MACROD2: variants seen among roughly 807,000 people sequenced by gnomAD.
MACROD2 encodes the protein mono-ADP ribosylhydrolase 2, also known as ADP-ribose glycohydrolase MACROD2.
Under a neutral mutation model 70.4 loss-of-function variants are expected in MACROD2, and 36 were observed. That is an observed-to-expected ratio of 0.51 (90% CI 0.39 to 0.68). MACROD2 has a LOEUF of 0.68. MACROD2 is among the 30% of genes least tolerant of loss of function. The pLI is 0.00. For synonymous variants in MACROD2, 172 were observed against 178.8 expected (o/e 0.96, Z 0.30); for missense variants, 496 against 538.4 (o/e 0.92, Z 0.78).
rs573192408 is a variant in MACROD2, at chr20:14,042,918, G to GTT, written c.163+40528_163+40529dup. 6.1e-4 allele frequency among the ~76,000 whole-genome samples: 86 copies of GTT among 141,240 alleles called. 1 individual carries two copies. Among genetic ancestry groups the GTT allele is most frequent in the Admixed American group, 1.5e-3 (21 of 14,200 alleles). 92.7% of individuals were successfully genotyped at this position (141,240 alleles called of 152,430 possible). ...TACCAGTTGCAAACCCAGGTGGTGG[G>GTT]TTTTTTTTTTTTTTTATTGAGACAT... On this transcript the variant is annotated intron_variant, in intron 2 of 17. Transcript: ENST00000684519.
At chr20:15,758,991 T>C (rs570846329) in intron 8 of MACROD2, among the ~76,000 whole-genome samples, 2 of 151,868 alleles carry the variant, frequency 1.3e-5, no homozygotes, top group South Asian at 4.2e-4. Flanking sequence ...CTACTAAAAA[T>C]ACAAAAATTA....
At chr20:14,626,717 G>A (rs1984190378) in intron 4 of MACROD2, among the ~76,000 whole-genome samples, 1 of 152,114 alleles carries the variant, frequency 6.6e-6, no homozygotes, top group South Asian at 2.1e-4. Context: ...CGTATCCTCA[G>A]GAGGAAGTAT....
chr20:14,548,437 G>GTTTTTTTTTTTTAGATTAGAAT (rs1181230121), intron 4 of MACROD2, among the ~76,000 whole-genome samples: 17 of 14,642 alleles, frequency 1.2e-3, no homozygotes, highest in African/African-American at 1.5e-3. Context: ...TACATTATCT[G>GTTTTTTTTTTTTAGATTAGAAT]GCCGGGCGCG....
chr20:15,780,418 G>T (rs2051811383), intron 8 of MACROD2, among the ~76,000 whole-genome samples: 2 of 152,066 alleles, frequency 1.3e-5, no homozygotes, highest in South Asian at 4.1e-4. Flanking sequence ...AGAAGACTAG[G>T]CTGTGCAGAA....
intron 2 of MACROD2, among the ~76,000 whole-genome samples, chr20:14,006,969 C>G (rs1176177410): frequency 6.6e-6 from 1 of 152,088 alleles, no homozygotes; most frequent in East Asian, 1.9e-4. Context: ...CATAATGCGT[C>G]ATTGTCTCCC....
intron 12 of MACROD2, among the ~76,000 whole-genome samples, chr20:15,957,773 A>G (rs1011966665): frequency 2.5e-4 from 38 of 152,156 alleles, no homozygotes; most frequent in Non-Finnish European, 5.0e-4. Context: ...ATATCTCCCA[A>G]CACGGTGGCC....
intron 3 of MACROD2, among the ~76,000 whole-genome samples, chr20:14,360,267 A>G (rs537956191): frequency 6.6e-6 from 1 of 152,364 alleles, no homozygotes; most frequent in South Asian, 2.1e-4. Context: ...AATAGATTTT[A>G]ATTATTCTAC....
intron 5 of MACROD2, among the ~76,000 whole-genome samples, chr20:15,019,556 G>C (rs1294601204): frequency 2.6e-5 from 4 of 152,136 alleles, no homozygotes; most frequent in Non-Finnish European, 5.9e-5. Context: ...CTAGACTCTT[G>C]ACTAACAGAC....
In MACROD2 at chr20:15,636,088, A is replaced by G. The variant is rs916385617; in HGVS notation, c.645+136241A>G. 6.3e-5 allele frequency among the ~76,000 whole-genome samples: 9 copies of G among 141,938 alleles called. 1 individual carries two copies. The highest frequency in any genetic ancestry group is 1.9e-4 in the African/African-American group (7 of 37,768). 93.1% of individuals were successfully genotyped at this position (141,938 alleles called of 152,430 possible). On this transcript the variant is annotated intron_variant, in intron 8 of 17. Coordinates refer to ENST00000684519, the MANE Select transcript of MACROD2 (RefSeq NM_001351661.2). ...CTCCCTCTCAAAAGAAAAAAAAAAA[A>G]AAAAGAAAGAAAAGAAAAGAAAAAA...
intron 3 of MACROD2, among the ~76,000 whole-genome samples, chr20:14,439,926 A>G (rs970889151): frequency 2.0e-5 from 3 of 152,184 alleles, no homozygotes; most frequent in African/African-American, 7.2e-5. Flanking sequence ...AAGAAAGCCC[A>G]TGAAAATGAG....
At chr20:15,231,225 C>G (rs1418276248) in intron 6 of MACROD2, among the ~76,000 whole-genome samples, 1 of 151,976 alleles carries the variant, frequency 6.6e-6, no homozygotes, top group Non-Finnish European at 1.5e-5. Flanking sequence ...TTTTATTTCT[C>G]TCTTTGATTT....
chr20:15,680,871 T>C (rs903958485), intron 8 of MACROD2, among the ~76,000 whole-genome samples: 1 of 152,166 alleles, frequency 6.6e-6, no homozygotes, highest in Non-Finnish European at 1.5e-5. Context: ...CAATGATACT[T>C]ATATTAAAGA....
rs1278575024 is a variant in MACROD2, at chr20:15,027,076, T to C, written c.419-202864T>C. 3.3e-5 allele frequency among the ~76,000 whole-genome samples: 5 copies of C among 152,216 alleles called. No homozygotes were observed. The East Asian group carries it at 9.7e-4, about 29-fold the overall frequency. On this transcript the variant is annotated intron_variant, in intron 5 of 17. Coordinates refer to ENST00000684519, the MANE Select transcript of MACROD2 (RefSeq NM_001351661.2). Reference sequence around the variant, plus strand: ...AACCCTAATGATTTGGTTTACACAGTGATTTATGTTGTGTCACAGATTCAG... The same window carrying C: ...AACCCTAATGATTTGGTTTACACAGCGATTTATGTTGTGTCACAGATTCAG...
At chr20:15,059,405 GAAAA>G (rs1349579539) in intron 5 of MACROD2, among the ~76,000 whole-genome samples, 1 of 150,596 alleles carries the variant, frequency 6.6e-6, no homozygotes, top group African/African-American at 2.4e-5. Flanking sequence ...AATAGAAAAA[GAAAA>G]AAAAAGAAAA....
intron 5 of MACROD2, among the ~76,000 whole-genome samples, chr20:14,723,230 G>A (rs907631294): frequency 1.3e-5 from 2 of 152,126 alleles, no homozygotes; most frequent in Non-Finnish European, 2.9e-5. Flanking sequence ...GCTTTGGCAC[G>A]CGTTAGCTGG....
chr20:15,232,982 C>A lies in MACROD2; in HGVS notation c.540+2921C>A, dbSNP rs375048593. ...TGTGTACCCTGACGTTATCAGGTAA[C>A]TTCCGTGACAAAGAGAGGATCTAGT... is the stretch of plus-strand genomic sequence containing the variant. On this transcript the variant is annotated intron_variant, in intron 6 of 17. Coordinates refer to ENST00000684519, the MANE Select transcript of MACROD2 (RefSeq NM_001351661.2). Among the ~76,000 whole-genome samples, 28 of 152,026 alleles carry A rather than the reference C, an allele frequency of 1.8e-4. 1 individual carries two copies. In the East Asian group the frequency reaches 4.4e-3, roughly 24 times the overall value.
intron 5 of MACROD2, among the ~76,000 whole-genome samples, chr20:15,046,833 C>T (rs905650689): frequency 1.3e-5 from 2 of 152,228 alleles, no homozygotes; most frequent in African/African-American, 4.8e-5. Flanking sequence ...TACCTCATAA[C>T]TTTCTGTTCC....
intron 5 of MACROD2, among the ~76,000 whole-genome samples, chr20:15,049,836 T>C (rs1418313218): frequency 6.6e-6 from 1 of 151,760 alleles, no homozygotes; most frequent in African/African-American, 2.4e-5. Flanking sequence ...TAACCCCAGC[T>C]GCTCGGGAGG....
At chr20:14,653,216 AT>A (rs542367949) in intron 4 of MACROD2, among the ~76,000 whole-genome samples, 7,778 of 121,718 alleles carry the variant, frequency 0.064, 201 homozygotes, top group African/African-American at 0.11. Context: ...ATGTACAGCA[AT>A]TTTTTTTTTT....
Sources: gnomAD v4.1 joint callset for allele counts (sites outside exome capture counted in the v4.1 genomes callset) on GRCh38, gnomAD v4.1.1 for gene constraint, MANE v1.5 for transcripts, NCBI Gene and HGNC (gene_info 2026-07-23, HGNC 2026-07-21) for gene names.